The following GALNTL6 variants were observed in gnomAD, a reference collection of about 807,000 sequenced individuals.
GALNTL6 encodes polypeptide N-acetylgalactosaminyltransferase-like 6.
Under a neutral mutation model 73.7 loss-of-function variants are expected in GALNTL6, and 46 were observed. The ratio of observed to expected loss-of-function variants is 0.62; its 90% CI spans 0.49 to 0.80. The LOEUF is 0.80. Among genes scored for constraint, GALNTL6 ranks in the 30% least tolerant of loss-of-function variants. The probability of loss-of-function intolerance (pLI) is 0.00; values close to 1 mark genes in which losing one functional copy is unlikely to be tolerated. For synonymous variants in GALNTL6, 259 were observed against 263.7 expected (o/e 0.98, Z 0.17); for missense variants, 604 against 755.0 (o/e 0.80, Z 2.34).
At chr4:172,175,953 A>G (rs541052989) in intron 2 of GALNTL6, among the ~76,000 whole-genome samples, 2 of 152,334 alleles carry the variant, frequency 1.3e-5, no homozygotes, top group African/African-American at 2.4e-5. Context: ...TATAAAAATC[A>G]ATATGAATAA....
chr4:171,873,314 T>C (rs577005538), intron 2 of GALNTL6, among the ~76,000 whole-genome samples: 1 of 152,208 alleles, frequency 6.6e-6, no homozygotes, highest in Non-Finnish European at 1.5e-5. Flanking sequence ...TATAGGATGA[T>C]TGAACGAACT....
intron 7 of GALNTL6, among the ~76,000 whole-genome samples, chr4:172,815,689 G>A (rs767160295): frequency 2.8e-4 from 43 of 152,250 alleles, no homozygotes; most frequent in Non-Finnish European, 4.9e-4. Context: ...ACAATATCAA[G>A]CACCTTGCTT....
At chr4:172,058,384 G>C (rs145923149) in intron 2 of GALNTL6, among the ~76,000 whole-genome samples, 1 of 152,046 alleles carries the variant, frequency 6.6e-6, no homozygotes, top group Non-Finnish European at 1.5e-5. Flanking sequence ...ATAAGATCTC[G>C]AAAAATACGA....
intron 2 of GALNTL6, among the ~76,000 whole-genome samples, chr4:172,050,209 A>G (rs545452156): frequency 2.8e-4 from 43 of 152,280 alleles, no homozygotes; most frequent in Middle Eastern, 3.4e-3. Flanking sequence ...GGTTTGCAGC[A>G]GGAGAAAGGA....
chr4:171,984,906 A>C lies in GALNTL6; in HGVS notation c.138+170188A>C, dbSNP rs113349687. On this transcript the variant is annotated intron_variant, in intron 2 of 12. Coordinates refer to ENST00000506823, the MANE Select transcript of GALNTL6 (RefSeq NM_001034845.3). ...TGTGGCTCACGCCTGTAATCCCAGCACTTTGGGAGGTCGAGGCAGGTAGAT... is the reference window on the plus strand; with the variant it reads ...TGTGGCTCACGCCTGTAATCCCAGCCCTTTGGGAGGTCGAGGCAGGTAGAT... Among the ~76,000 whole-genome samples, 92 of 152,158 alleles carry C rather than the reference A, an allele frequency of 6.0e-4. 1 individual carries two copies. The highest frequency in any genetic ancestry group is 2.2e-3 in the African/African-American group (91 of 41,528).
At chr4:172,062,773 G>A (rs1450808320) in intron 2 of GALNTL6, among the ~76,000 whole-genome samples, 5 of 152,190 alleles carry the variant, frequency 3.3e-5, no homozygotes, top group Non-Finnish European at 7.3e-5. Flanking sequence ...ACAGAGAGGG[G>A]AAAAATAGAT....
chr4:171,968,548 C>T (rs868658654), intron 2 of GALNTL6, among the ~76,000 whole-genome samples: 2 of 152,132 alleles, frequency 1.3e-5, no homozygotes, highest in African/African-American at 4.8e-5. Flanking sequence ...TAGTTCTTTA[C>T]CTTTATTACA....
chr4:172,150,037 A>C (rs1446105284), intron 2 of GALNTL6, among the ~76,000 whole-genome samples: 1 of 152,098 alleles, frequency 6.6e-6, no homozygotes, highest in African/African-American at 2.4e-5. Flanking sequence ...AGGAATTTTC[A>C]TACAGAAATC....
At chr4:172,651,112 T>C (rs1382679421) in intron 5 of GALNTL6, among the ~76,000 whole-genome samples, 1 of 152,220 alleles carries the variant, frequency 6.6e-6, no homozygotes, top group Non-Finnish European at 1.5e-5. Context: ...TACACCACAC[T>C]GTCTTATTAG....
At chr4:172,253,737 C>T (rs2111020321) in intron 3 of GALNTL6, among the ~76,000 whole-genome samples, 1 of 151,992 alleles carries the variant, frequency 6.6e-6, no homozygotes, top group East Asian at 1.9e-4. Context: ...ATAATCAGCA[C>T]ATCAAATATA....
intron 5 of GALNTL6, among the ~76,000 whole-genome samples, chr4:172,802,070 TG>T (rs1740679359): frequency 6.6e-6 from 1 of 152,136 alleles, no homozygotes; most frequent in Admixed American, 6.6e-5. Flanking sequence ...ATCAAGCCCT[TG>T]GTCCTGAGGA....
chr4:172,982,805 A>G (rs1291438795), intron 10 of GALNTL6, among the ~76,000 whole-genome samples: 1 of 152,238 alleles, frequency 6.6e-6, no homozygotes, highest in Non-Finnish European at 1.5e-5. Context: ...AAAAATATTT[A>G]TCTGAGATGA....
chr4:172,207,736 A>T (rs13106313), intron 2 of GALNTL6, among the ~76,000 whole-genome samples: 1 of 152,076 alleles, frequency 6.6e-6, no homozygotes, highest in Non-Finnish European at 1.5e-5. Context: ...AATTTCCTCA[A>T]CTACAAGAAC....
At chr4:172,446,128 C>A (rs557192062) in intron 5 of GALNTL6, among the ~76,000 whole-genome samples, 74 of 151,920 alleles carry the variant, frequency 4.9e-4, no homozygotes, top group Non-Finnish European at 9.9e-4. Context: ...AAAATTTATC[C>A]ACATTTAATT....
chr4:171,847,528 T>C (rs182118953), intron 2 of GALNTL6, among the ~76,000 whole-genome samples: 22 of 152,312 alleles, frequency 1.4e-4, no homozygotes, highest in Admixed American at 1.2e-3. Flanking sequence ...ATTTTTCTTG[T>C]AGCATGTGAT....
rs539089701 is a variant in GALNTL6, at chr4:172,322,304, G to T, written c.386+10552G>T. On this transcript the variant is annotated intron_variant, in intron 4 of 12. Transcript: ENST00000506823. ...TCGCTTCTGCTCTAAAACTTGCCTTGGTCTTTCACTCTACACTCTACCTTA... is the reference window on the plus strand; with the variant it reads ...TCGCTTCTGCTCTAAAACTTGCCTTTGTCTTTCACTCTACACTCTACCTTA... 4.6e-5 allele frequency among the ~76,000 whole-genome samples: 7 copies of T among 152,020 alleles called. 1 individual carries two copies. Among genetic ancestry groups the T allele is most frequent in the African/African-American group, 1.7e-4 (7 of 41,448 alleles).
At position 172,219,023 on chromosome 4, in the gene GALNTL6, A is replaced by G. The variant is rs1256449568; in HGVS notation, c.139-10633A>G. On this transcript the variant is annotated intron_variant, in intron 2 of 12. Transcript: ENST00000506823. ...TTCTATAGATTAACAAATTGAGACC[A>G]GAATTTTTGTTCTTAACCATTAATT... Among the ~76,000 whole-genome samples, 3 of 151,078 alleles carry G rather than the reference A, an allele frequency of 2.0e-5. No individual in the cohort carries two copies. In the South Asian group the frequency reaches 6.2e-4, roughly 31 times the overall value.
chr4:172,711,268 C>T (rs1232479618), intron 5 of GALNTL6, among the ~76,000 whole-genome samples: 1 of 152,078 alleles, frequency 6.6e-6, no homozygotes. Flanking sequence ...TGGAACGCCG[C>T]GTACACATGT....
At chr4:172,086,223 T>C (rs1451237149) in intron 2 of GALNTL6, among the ~76,000 whole-genome samples, 1 of 152,054 alleles carries the variant, frequency 6.6e-6, no homozygotes, top group African/African-American at 2.4e-5. Flanking sequence ...CTGTAGAAAA[T>C]TAATACTATG....
Sources: allele counts gnomAD v4.1 joint callset (sites outside exome capture counted in the v4.1 genomes callset), GRCh38; gene constraint gnomAD v4.1.1; transcripts MANE v1.5; gene names NCBI Gene and HGNC (gene_info 2026-07-23, HGNC 2026-07-21).